MYLK: variants seen among roughly 807,000 people sequenced by gnomAD.
MYLK encodes myosin light chain kinase.
In MYLK, 106 loss-of-function variants were observed where a neutral mutation model predicts 203.4. The observed-to-expected ratio is 0.52, with a 90% CI of 0.45 to 0.61. The LOEUF (loss-of-function observed/expected upper bound fraction) is 0.61, where lower values mean the gene tolerates loss of function less well. Ranked by LOEUF, MYLK falls within the 20% of genes least tolerant of loss-of-function variation. The pLI is 0.00. For synonymous variants in MYLK, 867 were observed against 959.5 expected, an observed-to-expected ratio of 0.90 and a Z score of 1.78; for missense variants, 2,072 against 2,442.3, an observed-to-expected ratio of 0.85 and a Z score of 3.20.
At chr3:123,797,538 C>T (rs1160340476) in intron 3 of MYLK, among the ~76,000 whole-genome samples, 1 of 152,138 alleles carries the variant, frequency 6.6e-6, no homozygotes. Context: ...CTCCCTGTGC[C>T]CTCCTCCTCT....
chr3:123,861,086 C>A (rs898747239), intron 2 of MYLK, among the ~76,000 whole-genome samples: 1 of 150,006 alleles, frequency 6.7e-6, no homozygotes, highest in African/African-American at 2.5e-5. Flanking sequence ...GCTGAGATGG[C>A]ACCACTGCAC....
intron 18 of MYLK, 62 bp downstream of exon 18, chr3:123,699,958 C>G (rs937973162): frequency 1.2e-6 from 2 of 1,610,928 alleles, no homozygotes; most frequent in African/African-American, 2.7e-5. Flanking sequence ...ACCAACGCTC[C>G]ATGAGCTAGG....
chr3:123,710,029 GT>G, intron 13 of MYLK, 136 bp from the exon 14 acceptor site: 1 of 1,165,656 alleles, frequency 8.6e-7, no homozygotes, highest in Admixed American at 1.8e-5. Context: ...GATAAAGAGT[GT>G]TTGGAGTTTC....
At chr3:123,866,300 G>A (rs1429324039) in intron 2 of MYLK, among the ~76,000 whole-genome samples, 1 of 152,192 alleles carries the variant, frequency 6.6e-6, no homozygotes, top group African/African-American at 2.4e-5. Flanking sequence ...GGGGGCTGGA[G>A]CCAGGGAGGA....
At position 123,728,630 on chromosome 3, in the gene MYLK, T is replaced by C. The variant is rs77431507; in HGVS notation, c.1517-2552A>G. 3.3e-5 allele frequency among the ~76,000 whole-genome samples: 5 copies of C among 152,310 alleles called. No homozygotes were observed. In the East Asian group the frequency reaches 7.7e-4, roughly 23 times the overall value. On this transcript the variant is annotated intron_variant, in intron 11 of 33. Transcript: ENST00000360304. ...ACAACAATAAAACATAGCTGAATCT[T>C]GGTAAGAACAGCAAGCTATGTGCTT...
At chr3:123,654,844 G>A (rs2059342876) in intron 24 of MYLK, among the ~76,000 whole-genome samples, 1 of 150,968 alleles carries the variant, frequency 6.6e-6, no homozygotes, top group South Asian at 2.1e-4. Flanking sequence ...AACCTCCTGA[G>A]TAGCTGGGAC....
intron 4 of MYLK, among the ~76,000 whole-genome samples, chr3:123,790,704 G>A (rs1267040932): frequency 6.6e-6 from 1 of 152,230 alleles, no homozygotes; most frequent in Admixed American, 6.5e-5. Context: ...GCACACATTT[G>A]AAGAACTTCT....
chr3:123,638,615 C>T (rs897480457), intron 28 of MYLK: 18 of 355,794 alleles, frequency 5.1e-5, no homozygotes, highest in East Asian at 1.7e-4. Context: ...GTATAATGCC[C>T]GTGCTACTGA....
chr3:123,673,320 C>A (rs1185083138), intron 20 of MYLK, among the ~76,000 whole-genome samples: 1 of 151,868 alleles, frequency 6.6e-6, no homozygotes, highest in African/African-American at 2.4e-5. Flanking sequence ...CACTATGTTG[C>A]GCAGGCTGGT....
At chr3:123,835,047 C>A (rs926112014) in intron 2 of MYLK, among the ~76,000 whole-genome samples, 1 of 152,158 alleles carries the variant, frequency 6.6e-6, no homozygotes, top group Admixed American at 6.5e-5. Context: ...TAAATGAAGA[C>A]ACAACTGGAA....
intron 3 of MYLK, among the ~76,000 whole-genome samples, chr3:123,816,489 T>C (rs10511417): frequency 0.095 from 14,426 of 152,270 alleles, 1,659 homozygotes; most frequent in East Asian, 0.45. Flanking sequence ...GAACCAGCTA[T>C]TAGGCGACAG....
chr3:123,751,807 G>A (rs2063201858), intron 5 of MYLK, among the ~76,000 whole-genome samples: 1 of 152,148 alleles, frequency 6.6e-6, no homozygotes, highest in Non-Finnish European at 1.5e-5. Flanking sequence ...GTTGGGAAAG[G>A]GCCTCTAAGG....
At chr3:123,842,490 A>G (rs1483318820) in intron 2 of MYLK, among the ~76,000 whole-genome samples, 1 of 152,214 alleles carries the variant, frequency 6.6e-6, no homozygotes, top group African/African-American at 2.4e-5. Flanking sequence ...AATCTAATAG[A>G]CATATATAGA....
intron 4 of MYLK, among the ~76,000 whole-genome samples, chr3:123,759,808 T>A (rs2063477714): frequency 6.6e-6 from 1 of 152,210 alleles, no homozygotes; most frequent in Non-Finnish European, 1.5e-5. Context: ...CCATTATCTA[T>A]TTTCTTGCCT....
chr3:123,623,485 A>G (rs1360455960), intron 31 of MYLK: 3 of 152,214 alleles, frequency 2.0e-5, no homozygotes, highest in Non-Finnish European at 4.4e-5. Flanking sequence ...TTCCAAGATG[A>G]GTAATATGAT....
intron 31 of MYLK, 105 bp from the exon 32 acceptor site, chr3:123,620,441 T>C (rs1264376639): frequency 6.3e-7 from 1 of 1,595,768 alleles, no homozygotes; most frequent in East Asian, 2.3e-5. Context: ...AAGCAGCTGT[T>C]CCCTGGAACA....
At chr3:123,631,232 T>C (rs911277122) in intron 29 of MYLK, among the ~76,000 whole-genome samples, 2 of 152,020 alleles carry the variant, frequency 1.3e-5, no homozygotes, top group Non-Finnish European at 2.9e-5. Flanking sequence ...GTCCTGTCTC[T>C]ACTAAAAATA....
intron 2 of MYLK, among the ~76,000 whole-genome samples, chr3:123,846,901 T>C (rs1426167957): frequency 6.6e-6 from 1 of 152,088 alleles, no homozygotes; most frequent in East Asian, 1.9e-4. Context: ...ATGGGATCCT[T>C]TATCTATTAA....
At chr3:123,639,472 C>T (rs1347355458) in intron 28 of MYLK, among the ~76,000 whole-genome samples, 1 of 152,210 alleles carries the variant, frequency 6.6e-6, no homozygotes, top group Admixed American at 6.5e-5. Context: ...CCCCAGCCCT[C>T]GGGCTCCTTG....
Sources: gnomAD v4.1 joint callset for allele counts (sites outside exome capture counted in the v4.1 genomes callset) on GRCh38, gnomAD v4.1.1 for gene constraint, MANE v1.5 for transcripts, NCBI Gene and HGNC (gene_info 2026-07-23, HGNC 2026-07-21) for gene names.